The following TFEC variants were observed in gnomAD, a reference collection of about 807,000 sequenced individuals.
The protein encoded by TFEC is class E basic helix-loop-helix protein 34.
TFEC carries 31 observed loss-of-function variants against 41.6 expected under a neutral mutation model. The observed-to-expected ratio is 0.74, with a 90% CI of 0.56 to 1.01. TFEC has a LOEUF of 1.01. Among genes scored for constraint, TFEC ranks in the 50% least tolerant of loss-of-function variants. The pLI, the probability that TFEC is intolerant of heterozygous loss-of-function variation, is 0.00. For missense variants in TFEC, 402 were observed against 404.1 expected (o/e 0.99, Z 0.04); for synonymous variants, 143 against 140.6 (o/e 1.02, Z -0.12).
intron 3 of TFEC, among the ~76,000 whole-genome samples, chr7:116,100,211 G>C (rs1389602980): frequency 6.6e-6 from 1 of 152,096 alleles, no homozygotes; most frequent in African/African-American, 2.4e-5. Context: ...AACCACTATA[G>C]ACTGTGGTCT....
chr7:115,945,323 A>G (rs1791472793), intron 6 of TFEC, among the ~76,000 whole-genome samples: 1 of 151,534 alleles, frequency 6.6e-6, no homozygotes, highest in Admixed American at 6.6e-5. Flanking sequence ...TGAAAATTTG[A>G]CAAATGGATC....
chr7:115,987,309 T>C (rs1287580377), intron 1 of TFEC, among the ~76,000 whole-genome samples: 1 of 152,208 alleles, frequency 6.6e-6, no homozygotes, highest in African/African-American at 2.4e-5. Context: ...AACCATGAAC[T>C]AATATCAGAA....
chr7:116,122,394 G>T (rs1436263230), intron 1 of TFEC, among the ~76,000 whole-genome samples: 3 of 152,000 alleles, frequency 2.0e-5, no homozygotes, highest in East Asian at 1.9e-4. Flanking sequence ...TGTAAGTGGG[G>T]TCTAAGAAAT....
chr7:115,984,475 T>A lies in TFEC; in HGVS notation c.-34A>T, dbSNP rs1471986350. The A allele has an allele frequency of 6.2e-7, 1 of 1,614,074 alleles. No individual in the cohort carries two copies. Among genetic ancestry groups the A allele is most frequent in the Non-Finnish European group, 8.5e-7 (1 of 1,179,974 alleles). Reference sequence around the variant, plus strand: ...TTACTTTCTGTCTCTGGGCTTTCTGTAGCTGAGGCCTTGCAGAACTTTCCA... The same window carrying A: ...TTACTTTCTGTCTCTGGGCTTTCTGAAGCTGAGGCCTTGCAGAACTTTCCA... On this transcript the variant is annotated 5_prime_UTR_variant, in exon 2 of 8. Coordinates refer to ENST00000265440, the MANE Select transcript of TFEC (RefSeq NM_012252.4).
intron 1 of TFEC, among the ~76,000 whole-genome samples, chr7:116,003,977 A>G (rs532526917): frequency 1.3e-5 from 2 of 152,272 alleles, no homozygotes; most frequent in African/African-American, 4.8e-5. Context: ...GTGAGCTGCA[A>G]TGAAAACAGT....
intron 3 of TFEC, among the ~76,000 whole-genome samples, chr7:116,079,366 C>T (rs1797035440): frequency 6.6e-6 from 1 of 151,640 alleles, no homozygotes; most frequent in Non-Finnish European, 1.5e-5. Context: ...AGGGCATCCA[C>T]ATCAGTAAAG....
At chr7:116,143,656 T>C (rs146649677) in intron 1 of TFEC, among the ~76,000 whole-genome samples, 3 of 152,188 alleles carry the variant, frequency 2.0e-5, no homozygotes, top group Non-Finnish European at 4.4e-5. Context: ...GATGCTTCTA[T>C]AGGGAACTGC....
intron 1 of TFEC, among the ~76,000 whole-genome samples, chr7:116,135,576 A>G (rs1344030157): frequency 6.6e-6 from 1 of 152,150 alleles, no homozygotes; most frequent in Non-Finnish European, 1.5e-5. Context: ...TGCACTGGTG[A>G]AAGCACCAAA....
chr7:116,019,171 A>G (rs1307758808), intron 1 of TFEC, among the ~76,000 whole-genome samples: 1 of 152,126 alleles, frequency 6.6e-6, no homozygotes, highest in Non-Finnish European at 1.5e-5. Context: ...TCCAGCCAAA[A>G]ACACTGGATC....
rs1047581128 is a variant in TFEC, at chr7:116,159,448, C to T, written c.-69+342G>A. On this transcript the variant is annotated intron_variant, in intron 1 of 8. Coordinates refer to the TFEC transcript ENST00000484212. ...GCATAAAAGGAGAGAAACATAGTCT[C>T]GCCAATTCTCTATAAACTTCAGCGA... 7.2e-5 allele frequency among the ~76,000 whole-genome samples: 11 copies of T among 151,894 alleles called. No homozygotes were observed. In the South Asian group the frequency reaches 1.0e-3, roughly 14 times the overall value.
chr7:116,071,610 T>A (rs992808085), intron 3 of TFEC, among the ~76,000 whole-genome samples: 1 of 151,376 alleles, frequency 6.6e-6, no homozygotes, highest in African/African-American at 2.4e-5. Context: ...ATTTATTTAG[T>A]CATTTATAAT....
intron 3 of TFEC, among the ~76,000 whole-genome samples, chr7:115,962,312 T>C (rs946474989): frequency 2.6e-5 from 4 of 151,930 alleles, no homozygotes; most frequent in Non-Finnish European, 2.9e-5. Context: ...AAATTCCAAC[T>C]GCATTTTTTA....
intron 1 of TFEC, among the ~76,000 whole-genome samples, chr7:116,142,742 A>T (rs780902547): frequency 6.6e-6 from 1 of 152,042 alleles, no homozygotes; most frequent in Non-Finnish European, 1.5e-5. Context: ...GATTCTAAAA[A>T]TTTTCAGTTC....
chr7:115,957,571 T>A (rs1261428513), intron 3 of TFEC, among the ~76,000 whole-genome samples: 2 of 151,874 alleles, frequency 1.3e-5, no homozygotes, highest in African/African-American at 4.8e-5. Context: ...AAAATAACAT[T>A]TAAGTAATAT....
intron 6 of TFEC, among the ~76,000 whole-genome samples, chr7:115,944,566 A>G (rs1793692040): frequency 6.6e-6 from 1 of 151,726 alleles, no homozygotes; most frequent in Admixed American, 6.6e-5. Flanking sequence ...CATAGAAATA[A>G]AAACTTCATA....
chr7:116,127,393 T>C (rs1383172218), intron 1 of TFEC, among the ~76,000 whole-genome samples: 1 of 152,062 alleles, frequency 6.6e-6, no homozygotes, highest in African/African-American at 2.4e-5. Flanking sequence ...TGGGCTTTGG[T>C]TTTTTATCCG....
intron 2 of TFEC, among the ~76,000 whole-genome samples, chr7:115,978,116 T>A (rs1793466936): frequency 6.6e-6 from 1 of 152,232 alleles, no homozygotes; most frequent in African/African-American, 2.4e-5. Context: ...TCTCTTGAAT[T>A]GGATTTTTAA....
At chr7:116,129,539 C>T (rs1798286133) in intron 1 of TFEC, among the ~76,000 whole-genome samples, 1 of 151,274 alleles carries the variant, frequency 6.6e-6, no homozygotes, top group Admixed American at 6.6e-5. Flanking sequence ...AAACAACCCT[C>T]CTTGCATGGT....
At chr7:116,008,446 A>T (rs1216445072) in intron 1 of TFEC, among the ~76,000 whole-genome samples, 1 of 152,144 alleles carries the variant, frequency 6.6e-6, no homozygotes, top group East Asian at 1.9e-4. Flanking sequence ...GCCCTTATTT[A>T]ATTTTGTTAA....
Sources: gnomAD v4.1 joint callset for allele counts (sites outside exome capture counted in the v4.1 genomes callset) on GRCh38, gnomAD v4.1.1 for gene constraint, MANE v1.5 for transcripts, NCBI Gene and HGNC (gene_info 2026-07-23, HGNC 2026-07-21) for gene names.